Variants in FTO observed in about 807,000 individuals in gnomAD.
FTO encodes alpha-ketoglutarate-dependent dioxygenase FTO.
A neutral mutation model predicts 63.9 loss-of-function variants in FTO; 47 were observed. That is an observed-to-expected ratio of 0.74 (90% CI 0.58 to 0.94). The LOEUF is 0.94. FTO is among the 40% of genes least tolerant of loss of function. FTO has a pLI of 0.00. For synonymous variants in FTO, 207 were observed against 224.4 expected, an observed-to-expected ratio of 0.92 and a Z score of 0.69; for missense variants, 562 against 618.1, an observed-to-expected ratio of 0.91 and a Z score of 0.96.
At chr16:53,907,570 T>A (rs1409390526) in intron 7 of FTO, among the ~76,000 whole-genome samples, 1 of 152,156 alleles carries the variant, frequency 6.6e-6, no homozygotes, top group East Asian at 1.9e-4. Context: ...AAATTGTAAG[T>A]CAGACAAACC....
chr16:54,056,494 C>T lies in FTO; in HGVS notation c.1365-55268C>T, dbSNP rs143176193. Among the ~76,000 whole-genome samples, 611 of 152,276 alleles carry T rather than the reference C, an allele frequency of 4.0e-3. 4 individuals carry two copies. Among genetic ancestry groups the T allele is most frequent in the Non-Finnish European group, 7.0e-3 (476 of 68,022 alleles). ...TGCCCTCCCTGTCAGTGTGGGCTGA[C>T]GCTTCTGATGAATTGAGTAAGGGGG... On this transcript the variant is annotated intron_variant, in intron 8 of 8. Transcript: ENST00000471389.
chr16:54,024,280 G>A (rs1384322279), intron 8 of FTO, among the ~76,000 whole-genome samples: 1 of 152,136 alleles, frequency 6.6e-6, no homozygotes, highest in Non-Finnish European at 1.5e-5. Context: ...CTGGAGTGCA[G>A]AGGCACTATC....
intron 7 of FTO, among the ~76,000 whole-genome samples, chr16:53,924,463 T>A (rs565070188): frequency 6.6e-6 from 1 of 152,320 alleles, no homozygotes; most frequent in South Asian, 2.1e-4. Context: ...AGTGGGTCTT[T>A]GAGATGAACT....
rs57925273 is a variant in FTO, at chr16:53,950,155, T to TAAAAAAAAAAAAAAAAAAAAAA, written c.1364+16049_1364+16070dup. Among the ~76,000 whole-genome samples, 109 of 50,600 alleles carry TAAAAAAAAAAAAAAAAAAAAAA rather than the reference T, an allele frequency of 2.2e-3. 9 individuals are homozygous for TAAAAAAAAAAAAAAAAAAAAAA. The highest frequency in any genetic ancestry group is 3.9e-3 in the Non-Finnish European group (88 of 22,556). 33.2% of individuals were successfully genotyped at this position (50,600 alleles called of 152,430 possible). A position where few individuals can be genotyped will look rare whatever the true frequency, so the allele number is the denominator to read the frequency against. ...GGAAAAAAAAAGATATTCACATTTG[T>TAAAAAAAAAAAAAAAAAAAAAA]AAAAAAAAAAAAAAAAAAAAAAAAC... is the stretch of plus-strand genomic sequence containing the variant. On this transcript the variant is annotated intron_variant, in intron 8 of 8. Transcript: ENST00000471389.
chr16:53,790,057 A>C (rs1051371564), intron 1 of FTO, among the ~76,000 whole-genome samples: 21 of 149,856 alleles, frequency 1.4e-4, no homozygotes, highest in African/African-American at 4.6e-4. Context: ...ATATGTATAC[A>C]TATACATTTT....
chr16:54,011,543 GTT>G (rs1241983510), intron 8 of FTO, among the ~76,000 whole-genome samples: 1 of 151,580 alleles, frequency 6.6e-6, no homozygotes, highest in Admixed American at 6.6e-5. Flanking sequence ...ACTTTCTTGT[GTT>G]TTGGAGATGG....
At chr16:53,715,636 T>C (rs934240939) in intron 1 of FTO, among the ~76,000 whole-genome samples, 3 of 152,202 alleles carry the variant, frequency 2.0e-5, no homozygotes, top group African/African-American at 7.2e-5. Flanking sequence ...TCTTATGTCT[T>C]GTGAGAAATG....
intron 8 of FTO, chr16:53,935,509 C>T (rs1048639632): frequency 1.3e-5 from 2 of 152,168 alleles, no homozygotes; most frequent in Admixed American, 6.5e-5. Flanking sequence ...CCCTCCCCTT[C>T]CCCCATCTTT....
At chr16:53,771,391 C>T (rs1019496455) in intron 1 of FTO, among the ~76,000 whole-genome samples, 4 of 152,212 alleles carry the variant, frequency 2.6e-5, no homozygotes, top group African/African-American at 7.2e-5. Flanking sequence ...CTTCTTACAA[C>T]GTCTCCTTCT....
chr16:53,976,571 G>C (rs1214459921), intron 8 of FTO, among the ~76,000 whole-genome samples: 2 of 151,842 alleles, frequency 1.3e-5, no homozygotes, highest in African/African-American at 4.8e-5. Flanking sequence ...CTTTTTGTCA[G>C]ATGAATCTTA....
At position 54,119,841 on chromosome 16, in the gene FTO, T is replaced by C. The variant is rs2086993841; in HGVS notation, c.*7926T>C. ...AGCAACATAAGTTTGAAACTAACTG[T>C]GTATGACTAAGGCTCCATTTGCTGT... On this transcript the variant is annotated 3_prime_UTR_variant, in exon 9 of 9. Transcript: ENST00000471389. 6.6e-6 allele frequency: 1 copy of C among 152,218 alleles called. No homozygotes were observed. Among genetic ancestry groups the C allele is most frequent in the Admixed American group, 6.5e-5 (1 of 15,286 alleles). The allele number at this position is 152,218 out of a possible 1,614,324, so 9.4% of individuals were successfully genotyped here.
At chr16:53,878,098 A>C (rs749144813) in intron 5 of FTO, among the ~76,000 whole-genome samples, 3 of 152,176 alleles carry the variant, frequency 2.0e-5, no homozygotes, top group Non-Finnish European at 4.4e-5. Flanking sequence ...CAGGAGTTCG[A>C]GACCAGCCTG....
intron 8 of FTO, among the ~76,000 whole-genome samples, chr16:54,092,794 T>C (rs539457845): frequency 1.3e-5 from 2 of 152,290 alleles, no homozygotes; most frequent in Admixed American, 1.3e-4. Context: ...TGGCCTCCTG[T>C]ACATCTCTCT....
chr16:53,822,049 G>T (rs1428015029), intron 2 of FTO, among the ~76,000 whole-genome samples: 1 of 152,122 alleles, frequency 6.6e-6, no homozygotes, highest in South Asian at 2.1e-4. Context: ...CTGGACAGAA[G>T]TAATCCCATG....
At chr16:54,057,602 T>C (rs2144365691) in intron 8 of FTO, among the ~76,000 whole-genome samples, 1 of 151,826 alleles carries the variant, frequency 6.6e-6, no homozygotes, top group East Asian at 1.9e-4. Context: ...TAGCTGGGAC[T>C]ATGGGCACGG....
At chr16:53,716,590 TA>T (rs1403315513) in intron 1 of FTO, among the ~76,000 whole-genome samples, 1 of 152,068 alleles carries the variant, frequency 6.6e-6, no homozygotes, top group Non-Finnish European at 1.5e-5. Context: ...AAGTGCTATA[TA>T]AGGTTATTAT....
intron 8 of FTO, among the ~76,000 whole-genome samples, chr16:54,102,576 C>G (rs1367622942): frequency 1.3e-5 from 2 of 152,098 alleles, no homozygotes; most frequent in Non-Finnish European, 2.9e-5. Flanking sequence ...ATGTTCATGG[C>G]TATTTCACTT....
rs71380061 is a variant in FTO, at chr16:54,074,895, GGAGAGAGAGA to G, written c.1365-36853_1365-36844del. Among the ~76,000 whole-genome samples, 428 of 141,962 alleles carry G rather than the reference GGAGAGAGAGA, an allele frequency of 3.0e-3. 2 individuals are homozygous for G. Among genetic ancestry groups the G allele is most frequent in the African/African-American group, 0.011 (417 of 38,320 alleles). 93.1% of individuals were successfully genotyped at this position (141,962 alleles called of 152,430 possible). On this transcript the variant is annotated intron_variant, in intron 8 of 8. Coordinates refer to ENST00000471389, the MANE Select transcript of FTO (RefSeq NM_001080432.3). ...TAGCTTTAACCAGAACTGGAAAGAG[GGAGAGAGAGA>G]GAGAGAGAGAGAGTGTGTGTGTGTG...
chr16:53,991,473 T>A (rs1299105071), intron 8 of FTO: 1 of 152,168 alleles, frequency 6.6e-6, no homozygotes, highest in Non-Finnish European at 1.5e-5. Flanking sequence ...TTTACTGTGT[T>A]ACACGAGGGT....
Sources: allele counts gnomAD v4.1 joint callset (sites outside exome capture counted in the v4.1 genomes callset), GRCh38; gene constraint gnomAD v4.1.1; transcripts MANE v1.5; gene names NCBI Gene and HGNC (gene_info 2026-07-23, HGNC 2026-07-21).